The following TYR variants were observed in gnomAD, a reference collection of about 807,000 sequenced individuals.
TYR encodes LB24-AB.
A neutral mutation model predicts 51.5 loss-of-function variants in TYR; 58 were observed. That is an observed-to-expected ratio of 1.13 (90% confidence interval 0.91 to 1.40). TYR has a LOEUF of 1.40. Among genes scored for constraint, TYR ranks in the 40% most tolerant of loss-of-function variants. TYR has a pLI of 0.00. For synonymous variants in TYR, 263 were observed against 235.2 expected, an observed-to-expected ratio of 1.12 and a Z score of -1.08; for missense variants, 732 against 647.4, an observed-to-expected ratio of 1.13 and a Z score of -1.42.
At chr11:89,255,946 T>C (rs535660317) in intron 3 of TYR, among the ~76,000 whole-genome samples, 11 of 151,808 alleles carry the variant, frequency 7.2e-5, no homozygotes, top group East Asian at 3.9e-4. Flanking sequence ...TGGTCTAGTA[T>C]CTTCTGACAA....
intron 3 of TYR, among the ~76,000 whole-genome samples, chr11:89,228,810 T>C (rs1253048804): frequency 6.6e-6 from 1 of 152,142 alleles, no homozygotes; most frequent in South Asian, 2.1e-4. Flanking sequence ...TTAGACTTAA[T>C]TGTAGGTGAT....
chr11:89,263,889 C>T (rs149698239), intron 3 of TYR, among the ~76,000 whole-genome samples: 3 of 152,010 alleles, frequency 2.0e-5, no homozygotes, highest in Non-Finnish European at 4.4e-5. Flanking sequence ...GATTGGAAGA[C>T]TTAACTATCA....
intron 3 of TYR, among the ~76,000 whole-genome samples, chr11:89,244,005 G>T (rs188669119): frequency 3.9e-5 from 6 of 152,132 alleles, no homozygotes; most frequent in South Asian, 2.1e-4. Flanking sequence ...TGGACCCCTG[G>T]TTGGTAGAAT....
chr11:89,248,114 A>G (rs568787210), intron 3 of TYR, among the ~76,000 whole-genome samples: 2 of 152,310 alleles, frequency 1.3e-5, no homozygotes, highest in South Asian at 4.1e-4. Context: ...CAGCCATAAA[A>G]TGGTGCTAAT....
At chr11:89,227,768 T>A (rs1821722074) in intron 2 of TYR, 55 bp from the exon 3 acceptor site, 1 of 1,471,778 alleles carries the variant, frequency 6.8e-7, no homozygotes, top group South Asian at 1.1e-5. Context: ...GATAATCACA[T>A]AGGTTTTCAG....
chr11:89,251,214 C>A, intron 3 of TYR, among the ~76,000 whole-genome samples: 1 of 151,694 alleles, frequency 6.6e-6, no homozygotes, highest in East Asian at 1.9e-4. Flanking sequence ...AATTAAAGAA[C>A]AATAACTAAT....
chr11:89,265,538 T>A lies in TYR; in HGVS notation c.1185-19235T>A, dbSNP rs546325217. The stretch of plus-strand genomic sequence containing the variant: ...AATCAACTTGGGATTTTAATAGAAA[T>A]TTCAAAATGTTCACTATCACAAGTC... On this transcript the variant is annotated intron_variant, in intron 3 of 4. Coordinates refer to ENST00000263321, the MANE Select transcript of TYR (RefSeq NM_000372.5). 9.2e-5 allele frequency among the ~76,000 whole-genome samples: 14 copies of A among 152,156 alleles called. No homozygotes were observed. The East Asian group carries it at 2.5e-3, about 27-fold the overall frequency.
intron 4 of TYR, 32 bp downstream of exon 4, chr11:89,284,986 G>C (rs1944766790): frequency 6.3e-7 from 1 of 1,577,778 alleles, no homozygotes; most frequent in Middle Eastern, 1.7e-4. Flanking sequence ...AGGAATTGCT[G>C]AATCTAGTGT....
intron 3 of TYR, among the ~76,000 whole-genome samples, chr11:89,261,163 C>G (rs371587681): frequency 6.6e-6 from 1 of 151,830 alleles, no homozygotes; most frequent in South Asian, 2.1e-4. Context: ...AACTGAGGAA[C>G]AATAAAGAAA....
intron 2 of TYR, among the ~76,000 whole-genome samples, chr11:89,206,999 A>T (rs73531517): frequency 0.011 from 1,601 of 152,240 alleles, 25 homozygotes; most frequent in African/African-American, 0.037. Context: ...GAAGTATAGT[A>T]CTAAATGCAC....
At chr11:89,258,832 G>C (rs768439527) in intron 3 of TYR, among the ~76,000 whole-genome samples, 7 of 152,014 alleles carry the variant, frequency 4.6e-5, no homozygotes, top group Non-Finnish European at 1.0e-4. Context: ...GACCAACTAT[G>C]AGGCTCTGAT....
intron 1 of TYR, among the ~76,000 whole-genome samples, chr11:89,187,026 T>C (rs545707097): frequency 1.3e-5 from 2 of 152,244 alleles, no homozygotes; most frequent in South Asian, 2.1e-4. Flanking sequence ...ATGTCTGCTG[T>C]TTAAGCCACC....
At position 89,295,693 on chromosome 11, in the gene TYR, ATTAT is replaced by A. The variant is rs1002576182; in HGVS notation, c.*331_*334del. 12 of 312,248 alleles carry A rather than the reference ATTAT, an allele frequency of 3.8e-5. No individual in the cohort carries two copies. Among genetic ancestry groups the A allele is most frequent in the South Asian group, 1.9e-4 (6 of 32,356 alleles). 19.3% of individuals were successfully genotyped at this position (312,248 alleles called of 1,614,324 possible). ...AAATAATTTTGATTTTTGCCTTCTG[ATTAT>A]TTAAAGATCTATATATGTTTTATTG... On this transcript the variant is annotated 3_prime_UTR_variant, in exon 5 of 5. Coordinates refer to ENST00000263321, the MANE Select transcript of TYR (RefSeq NM_000372.5).
At chr11:89,294,942 A>T (rs1944889988) in intron 4 of TYR, among the ~76,000 whole-genome samples, 1 of 152,134 alleles carries the variant, frequency 6.6e-6, no homozygotes, top group Admixed American at 6.5e-5. Flanking sequence ...CAAGAGGGGT[A>T]TTATTTTCCC....
chr11:89,295,000 T>A (rs114540670), intron 4 of TYR, 143 bp from the exon 5 acceptor site: 5 of 1,378,428 alleles, frequency 3.6e-6, no homozygotes, highest in Admixed American at 4.5e-5. Flanking sequence ...GGTGTAACTT[T>A]CCCAAGCTCT....
chr11:89,179,601 G>A (rs1591135279), intron 1 of TYR, among the ~76,000 whole-genome samples: 1 of 152,054 alleles, frequency 6.6e-6, no homozygotes, highest in South Asian at 2.1e-4. Flanking sequence ...TATGACCACT[G>A]TATCCTATTT....
intron 1 of TYR, among the ~76,000 whole-genome samples, chr11:89,189,398 G>T (rs908643073): frequency 6.6e-6 from 1 of 151,472 alleles, no homozygotes; most frequent in African/African-American, 2.4e-5. Context: ...AAGGATCAGA[G>T]AAATTTCTTT....
chr11:89,192,657 A>C (rs185418384), intron 2 of TYR, among the ~76,000 whole-genome samples: 6 of 152,228 alleles, frequency 3.9e-5, no homozygotes, highest in Non-Finnish European at 4.4e-5. Flanking sequence ...TCTCATCCTA[A>C]AGATGAATTC....
chr11:89,193,940 G>A (rs975825231), intron 2 of TYR, among the ~76,000 whole-genome samples: 4 of 152,058 alleles, frequency 2.6e-5, no homozygotes, highest in African/African-American at 9.6e-5. Context: ...CTTTACCCCT[G>A]AATATTTTAG....
Sources: gnomAD v4.1 joint callset for allele counts (sites outside exome capture counted in the v4.1 genomes callset) on GRCh38, gnomAD v4.1.1 for gene constraint, MANE v1.5 for transcripts, NCBI Gene and HGNC (gene_info 2026-07-23, HGNC 2026-07-21) for gene names.